FGD5: variants seen among roughly 807,000 people sequenced by gnomAD.
FGD5 encodes the protein FYVE, RhoGEF and PH domain-containing protein 5.
FGD5 carries 28 observed loss-of-function variants against 133.4 expected under a neutral mutation model. That is an observed-to-expected ratio of 0.21 (90% CI 0.16 to 0.29). The LOEUF (loss-of-function observed/expected upper bound fraction) is 0.29. FGD5 is among the 10% of genes least tolerant of loss of function. FGD5 has a pLI of 1.00. For synonymous variants in FGD5, 810 were observed against 776.5 expected (o/e 1.04, Z -0.72); for missense variants, 1,858 against 1,895.2 (o/e 0.98, Z 0.36).
chr3:14,819,152 G>T lies in FGD5; in HGVS notation c.81G>T (p.Leu27=). The stretch of plus-strand genomic sequence containing the variant: ...ACGAGTGGAGAGCCAGTGTGTACCT[G>T]AATGACAGCTTGAACAAATGCAGCA... ...APNEWRASVY[L]NDSLNKCSNG... Residue 27 remains leucine, a synonymous_variant, in exon 1 of 20, where the codon CTG becomes CTT. Coordinates refer to ENST00000285046, the MANE Select transcript of FGD5 (RefSeq NM_152536.4). The surrounding 1 kb of genome is among the most constrained non-coding windows in gnomAD (Gnocchi z 4.1). 1.9e-6 allele frequency: 3 copies of T among 1,551,536 alleles called. No individual in the cohort carries two copies. Among genetic ancestry groups the T allele is most frequent in the Non-Finnish European group, 2.6e-6 (3 of 1,147,024 alleles).
chr3:14,843,700 TTTTG>T (rs1344993054), intron 1 of FGD5, among the ~76,000 whole-genome samples: 46 of 141,566 alleles, frequency 3.2e-4, no homozygotes, highest in African/African-American at 1.1e-3. Context: ...TTTTTTTTTT[TTTTG>T]GGGGGAGACA....
At chr3:14,915,284 C>T (rs1216830478) in intron 11 of FGD5, among the ~76,000 whole-genome samples, 4 of 152,222 alleles carry the variant, frequency 2.6e-5, no homozygotes, top group Non-Finnish European at 5.9e-5. Flanking sequence ...GAAGAGCTAG[C>T]TGTGGGAAAA....
rs1009485036 is a variant in FGD5 at position 14,912,337 on chromosome 3, G to T, written c.3405+1408G>T. ...TCCCTCCCTTCCCTCCCTCCTAAGA[G>T]CTATTTCTTTCCTCCCATGAGAACC... On this transcript the variant is annotated intron_variant, in intron 11 of 19. Transcript: ENST00000285046. Among the ~76,000 whole-genome samples the T allele has an allele frequency of 3.3e-5, 5 of 152,150 alleles. No individual in the cohort carries two copies. In the South Asian group the frequency reaches 8.3e-4, roughly 25 times the overall value.
rs145415763 is a variant in FGD5, at chr3:14,844,595, G to A, written c.2526-19533G>A. On this transcript the variant is annotated intron_variant, in intron 1 of 19. Transcript: ENST00000285046. ...AGCCAGACCAGACAGGCAGAGGTAG[G>A]TTGCGGTGCTGAATATCTTGCCTGT... is the stretch of plus-strand genomic sequence containing the variant. 2.4e-3 allele frequency among the ~76,000 whole-genome samples: 360 copies of A among 152,044 alleles called. 5 individuals carry two copies. Among genetic ancestry groups the A allele is most frequent in the African/African-American group, 8.3e-3 (344 of 41,508 alleles).
chr3:14,916,980 A>G (rs914179651), intron 11 of FGD5, among the ~76,000 whole-genome samples: 1 of 152,210 alleles, frequency 6.6e-6, no homozygotes, highest in African/African-American at 2.4e-5. Context: ...AATTGTCCCT[A>G]CTTTCTGGCT....
At chr3:14,869,588 T>C (rs2037565463) in intron 2 of FGD5, among the ~76,000 whole-genome samples, 1 of 152,182 alleles carries the variant, frequency 6.6e-6, no homozygotes, top group Admixed American at 6.5e-5. Flanking sequence ...CTTTAGACAC[T>C]GACTCCCCAT....
intron 1 of FGD5, among the ~76,000 whole-genome samples, chr3:14,852,856 C>G (rs1689530): frequency 0.86 from 130,503 of 152,214 alleles, 56,087 homozygotes; most frequent in East Asian, 0.98. Flanking sequence ...TCAGACACGA[C>G]GAGGCACCAG....
At chr3:14,918,331 A>G (rs897390767) in intron 12 of FGD5, among the ~76,000 whole-genome samples, 1 of 152,216 alleles carries the variant, frequency 6.6e-6, no homozygotes, top group African/African-American at 2.4e-5. Flanking sequence ...GCACTGTGCA[A>G]TCTCTCTTGA....
chr3:14,909,722 T>A (rs145529776), intron 10 of FGD5, among the ~76,000 whole-genome samples: 98 of 152,286 alleles, frequency 6.4e-4, no homozygotes, highest in Admixed American at 1.6e-3. Context: ...ACACACAAAT[T>A]CAACATTGTG....
rs1363082605 is a variant in FGD5 at position 14,820,341 on chromosome 3, G to A, written c.1270G>A (p.Asp424Asn). Residue 424 changes from aspartate to asparagine, a missense_variant, in exon 1 of 20, where the codon GAT becomes AAT. Around this residue, in one of 3 missense-constraint regions of FGD5, gnomAD observed 1,824 missense variants for 1,848.9 expected, o/e 0.99. Transcript: ENST00000285046. ...VVVLEEEALD[D>N]ALANPYVMGV... ...CGTGCTGGAGGAGGAGGCCTTGGAT[G>A]ATGCACTGGCCAACCCCTATGTGAT... 1.2e-6 allele frequency: 2 copies of A among 1,612,372 alleles called. No individual in the cohort carries two copies. Among genetic ancestry groups the A allele is most frequent in the Non-Finnish European group, 1.7e-6 (2 of 1,179,128 alleles).
chr3:14,813,003 G>A (rs544785665), intron 1 of FGD5, among the ~76,000 whole-genome samples: 10 of 152,242 alleles, frequency 6.6e-5, no homozygotes, highest in African/African-American at 9.6e-5. Flanking sequence ...ATTGAGGTGC[G>A]GAGATTTTAT....
At chr3:14,843,089 CT>C (rs1481354976) in intron 1 of FGD5, among the ~76,000 whole-genome samples, 1 of 152,156 alleles carries the variant, frequency 6.6e-6, no homozygotes, top group African/African-American at 2.4e-5. Flanking sequence ...CTTGATATTT[CT>C]TCAAGAAAAA....
intron 1 of FGD5, among the ~76,000 whole-genome samples, chr3:14,827,146 A>G (rs923462031): frequency 2.0e-5 from 3 of 152,176 alleles, no homozygotes; most frequent in Admixed American, 1.3e-4. Flanking sequence ...GTGACATGAC[A>G]TGAACTCTCT....
chr3:14,892,988 G>A (rs908537927), intron 4 of FGD5, among the ~76,000 whole-genome samples: 2 of 152,206 alleles, frequency 1.3e-5, no homozygotes, highest in African/African-American at 4.8e-5. Flanking sequence ...AAGAGTGCAT[G>A]ATCTCTGACC....
chr3:14,862,461 G>T (rs2037417756), intron 1 of FGD5, among the ~76,000 whole-genome samples: 1 of 152,202 alleles, frequency 6.6e-6, no homozygotes, highest in Non-Finnish European at 1.5e-5. Context: ...CCACTCCTCA[G>T]TGGAGGGAGC....
chr3:14,883,912 G>T (rs575522757), intron 4 of FGD5, among the ~76,000 whole-genome samples: 4 of 152,370 alleles, frequency 2.6e-5, no homozygotes, highest in African/African-American at 7.2e-5. Context: ...GGCCAGGGTA[G>T]TGGTGGAAGA....
At chr3:14,921,851 C>T in intron 13 of FGD5, 67 bp from the exon 14 acceptor site, 1 of 1,455,200 alleles carries the variant, frequency 6.9e-7, no homozygotes, top group Non-Finnish European at 9.4e-7. Context: ...GAACCTCATC[C>T]ATGCCGAGAT....
chr3:14,843,703 T>G lies in FGD5; in HGVS notation c.2526-20425T>G, dbSNP rs1286972713. On this transcript the variant is annotated intron_variant, in intron 1 of 19. Coordinates refer to ENST00000285046, the MANE Select transcript of FGD5 (RefSeq NM_152536.4). ...CCAGGGTGCTTTTTTTTTTTTTTTT[T>G]GGGGGGAGACAGAGTCTCATTCTGT... 3.5e-4 allele frequency among the ~76,000 whole-genome samples: 43 copies of G among 124,020 alleles called. 1 individual carries two copies. The highest frequency in any genetic ancestry group is 5.0e-4 in the South Asian group (2 of 4,038). The allele number at this position is 124,020 out of a possible 152,430, so 81.4% of individuals were successfully genotyped here. A position where few individuals can be genotyped will look rare whatever the true frequency, so the allele number is the denominator to read the frequency against.
chr3:14,839,055 G>T (rs2036868091), intron 1 of FGD5, among the ~76,000 whole-genome samples: 1 of 152,218 alleles, frequency 6.6e-6, no homozygotes, highest in Non-Finnish European at 1.5e-5. Flanking sequence ...AGGGATCTAG[G>T]TTGAAAGGGT....
Sources: gnomAD v4.1 joint callset for allele counts (sites outside exome capture counted in the v4.1 genomes callset) on GRCh38, gnomAD v4.1.1 for gene constraint, gnomAD v4.1.1 regional missense constraint, Gnocchi (gnomAD v3.1) non-coding constraint, MANE v1.5 for transcripts, NCBI Gene and HGNC (gene_info 2026-07-23, HGNC 2026-07-21) for gene names.